Variants in KMT2B observed in about 807,000 individuals in gnomAD.
The protein encoded by KMT2B is histone-lysine N-methyltransferase 2B.
A neutral mutation model predicts 255.3 loss-of-function variants in KMT2B; 22 were observed. The observed-to-expected ratio is 0.09, with a 90% CI of 0.06 to 0.12. KMT2B has a LOEUF of 0.12. Ranked by LOEUF, KMT2B falls within the 10% of genes least tolerant of loss-of-function variation. The pLI, the probability that KMT2B is intolerant of heterozygous loss-of-function variation, is 1.00. For missense variants in KMT2B, 3,149 were observed against 3,737.0 expected (o/e 0.84, Z 4.10); for synonymous variants, 1,730 against 1,498.1 (o/e 1.15, Z -3.57).
chr19:35,726,090 T>A, intron 13 of KMT2B, 146 bp from the exon 14 acceptor site: 4 of 683,626 alleles, frequency 5.9e-6, no homozygotes. Context: ...ATGTTCCTCC[T>A]CCGTGTCTGT....
rs374393985 is a variant in KMT2B at position 35,723,011 on chromosome 19, C to T, written c.2739C>T (p.Ser913=). Reference sequence around the variant, plus strand: ...CTGCAATAGATACATCATCGGCGTCCGAGACTGAGAGTGTCCCGTCACGGT... The same window carrying T: ...CTGCAATAGATACATCATCGGCGTCTGAGACTGAGAGTGTCCCGTCACGGT... ...DLATEDTSSA[S]ETESVPSRSR... is the part of the protein sequence containing the mutation. The change falls in exon 6 of 37, where the codon TCC becomes TCT. Residue 913 remains serine, a synonymous_variant. Coordinates refer to ENST00000420124, the MANE Select transcript of KMT2B (RefSeq NM_014727.3). The surrounding 1 kb of genome is among the most constrained non-coding windows in gnomAD (Gnocchi z 7.5). 17 of 1,603,538 alleles carry T rather than the reference C, an allele frequency of 1.1e-5. No individual in the cohort carries two copies. The highest frequency in any genetic ancestry group is 4.5e-5 in the East Asian group (2 of 44,666).
At chr19:35,730,958 G>A in intron 26 of KMT2B, 91 bp downstream of exon 26, 1 of 1,386,956 alleles carries the variant, frequency 7.2e-7, no homozygotes, top group South Asian at 1.5e-5. Context: ...GGAAAGTCCA[G>A]GAGGCTTGCT....
Position 35,732,023 on chromosome 19 carries a change from C to T in KMT2B, c.5553C>T (p.Ser1851=), listed in dbSNP as rs767726790. 3.9e-5 allele frequency: 63 copies of T among 1,613,346 alleles called. No homozygotes were observed. The highest frequency in any genetic ancestry group is 6.7e-5 in the East Asian group (3 of 44,854). Reference sequence around the variant, plus strand: ...CTCCACTGCGGCCAGATTCAGGCAGCGCCCCTCCTCCAGCCCCCCGTTCTT... The same window carrying T: ...CTCCACTGCGGCCAGATTCAGGCAGTGCCCCTCCTCCAGCCCCCCGTTCTT... ...LDPPLRPDSG[S]APPPAPRSFS... is the part of the protein sequence containing the mutation. The change falls in exon 27 of 37, where the codon AGC becomes AGT. Residue 1851 remains serine, a synonymous_variant. Coordinates refer to ENST00000420124, the MANE Select transcript of KMT2B (RefSeq NM_014727.3).
chr19:35,734,668 C>T (rs534625060), intron 30 of KMT2B, among the ~76,000 whole-genome samples: 63 of 152,046 alleles, frequency 4.1e-4, no homozygotes, highest in African/African-American at 1.4e-3. Flanking sequence ...GGGTGGAGGC[C>T]CCTGGAGGAG....
chr19:35,731,149 GGCACT>G (rs1417640228), intron 26 of KMT2B, among the ~76,000 whole-genome samples: 7 of 152,218 alleles, frequency 4.6e-5, no homozygotes. Context: ...CCTAACTTGG[GGCACT>G]GTGCTCATGG....
chr19:35,726,853 G>A (rs1969470945), intron 14 of KMT2B, among the ~76,000 whole-genome samples: 1 of 151,948 alleles, frequency 6.6e-6, no homozygotes, highest in African/African-American at 2.4e-5. Flanking sequence ...GCATGATGGC[G>A]GGCACCTGTA....
chr19:35,729,435 G>T (rs543047931), intron 22 of KMT2B, 139 bp downstream of exon 22: 1 of 1,196,548 alleles, frequency 8.4e-7, no homozygotes, highest in Admixed American at 2.3e-5. Flanking sequence ...GCCCTGGGAC[G>T]TTGGTGCTGA....
In KMT2B at chr19:35,725,015, T is replaced by G. The variant is rs1478674305; in HGVS notation, c.3456T>G (p.Ala1152=). 3 of 1,613,740 alleles carry G rather than the reference T, an allele frequency of 1.9e-6. No individual in the cohort carries two copies. The highest frequency in any genetic ancestry group is 2.5e-6 in the Non-Finnish European group (3 of 1,179,680). ...DKDALAPGPF[A]SFPNGWTGKQ... Reference sequence around the variant, plus strand: ...ATGCTTTGGCCCCTGGCCCCTTTGCTTCTTTTCCCAATGGCTGGACTGGAA... The same window carrying G: ...ATGCTTTGGCCCCTGGCCCCTTTGCGTCTTTTCCCAATGGCTGGACTGGAA... Residue 1152 remains alanine, a synonymous_variant, in exon 10 of 37, where the codon GCT becomes GCG. Transcript: ENST00000420124. This position sits in a 1 kb window ranked among gnomAD's most constrained non-coding sequence, Gnocchi z 4.1.
intron 26 of KMT2B, among the ~76,000 whole-genome samples, chr19:35,731,392 T>C (rs1394937627): frequency 6.6e-6 from 1 of 151,992 alleles, no homozygotes; most frequent in African/African-American, 2.4e-5. Context: ...AGAAGAGATT[T>C]GGATGGTAGG....
intron 30 of KMT2B, among the ~76,000 whole-genome samples, chr19:35,734,619 G>A (rs1274262145): frequency 1.3e-5 from 2 of 152,190 alleles, no homozygotes; most frequent in South Asian, 2.1e-4. Context: ...TAAAGGAGAG[G>A]AGGGAAAGCA....
At position 35,725,151 on chromosome 19, in the gene KMT2B, T is replaced by C; in HGVS notation, c.3528+64T>C. 1 of 1,576,272 alleles carries C rather than the reference T, an allele frequency of 6.3e-7. No individual in the cohort carries two copies. The highest frequency in any genetic ancestry group is 8.7e-7 in the Non-Finnish European group (1 of 1,146,160). The stretch of plus-strand genomic sequence containing the variant: ...TGGAAGAACCTCGATGACTGTGTCA[T>C]CGAGAAGCCAGGTGGGTCTGCCTTG... On this transcript the variant is annotated intron_variant, in intron 10 of 36. Transcript: ENST00000420124. This position sits in a 1 kb window ranked among gnomAD's most constrained non-coding sequence, Gnocchi z 4.1.
intron 14 of KMT2B, among the ~76,000 whole-genome samples, chr19:35,726,782 G>C (rs895546248): frequency 1.3e-5 from 2 of 152,112 alleles, no homozygotes; most frequent in Non-Finnish European, 2.9e-5. Flanking sequence ...TGAGGAGTTT[G>C]AGATCAGCCT....
Position 35,721,214 on chromosome 19 carries a change from C to CAG in KMT2B, c.1867_1868insAG (p.Pro623GlnfsTer38). On this transcript the variant is annotated frameshift_variant, in exon 3 of 37. Transcript: ENST00000420124. LOFTEE classifies it high-confidence loss of function. The stretch of plus-strand genomic sequence containing the variant: ...GACCCGGGAGCTGCCCCCTCCTCCC[C>CAG]CAGCCCCTCCACCTCCCCCGGCCCC... 1 of 1,508,130 alleles carries CAG rather than the reference C, an allele frequency of 6.6e-7. No homozygotes were observed. The highest frequency in any genetic ancestry group is 8.9e-7 in the Non-Finnish European group (1 of 1,119,774). 93.4% of individuals were successfully genotyped at this position (1,508,130 alleles called of 1,614,324 possible).
rs768338125 is a variant in KMT2B, at chr19:35,732,852, C to T, written c.6303C>T (p.Asp2101=). ...CAGGGGTCCTTGGGGCTGCAGGGGA[C>T]AGGGCCCGGCCTCCTGAGGACCTGC... is the stretch of plus-strand genomic sequence containing the variant. The part of the protein sequence containing the change: ...VRAGVLGAAG[D]RARPPEDLPS... Residue 2101 remains aspartate, a synonymous_variant, in exon 28 of 37, where the codon GAC becomes GAT. Coordinates refer to ENST00000420124, the MANE Select transcript of KMT2B (RefSeq NM_014727.3). The T allele has an allele frequency of 3.7e-6, 6 of 1,609,316 alleles. No individual in the cohort carries two copies. The South Asian group carries it at 6.6e-5, about 18-fold the overall frequency.
Position 35,727,852 on chromosome 19 carries a change from G to A in KMT2B, c.4393-29G>A, listed in dbSNP as rs769014965. 27 of 1,612,018 alleles carry A rather than the reference G, an allele frequency of 1.7e-5. No homozygotes were observed. Among genetic ancestry groups the A allele is most frequent in the East Asian group, 2.2e-5 (1 of 44,840 alleles). ...GAGAGGGCTGGAATTGTGCAGAGGGGACTCAGTCTCTGACAAACCCCCTTA... is the reference window on the plus strand; with the variant it reads ...GAGAGGGCTGGAATTGTGCAGAGGGAACTCAGTCTCTGACAAACCCCCTTA... On this transcript the variant is annotated intron_variant, in intron 17 of 36. Transcript: ENST00000420124. This position sits in a 1 kb window ranked among gnomAD's most constrained non-coding sequence, Gnocchi z 4.2.
rs368178075 is a variant in KMT2B at position 35,721,045 on chromosome 19, C to G, written c.1698C>G (p.Pro566=). The change falls in exon 3 of 37, where the codon CCC becomes CCG. Residue 566 remains proline (P), a synonymous_variant. Transcript: ENST00000420124. The stretch of plus-strand genomic sequence containing the variant: ...AGGTCTCACCTGTCCTGCGACCTCC[C>G]ATTACCACCTCCCCACCTGTTCCCC... ...KVEVSPVLRP[P]ITTSPPVPQE... 1 of 1,610,040 alleles carries G rather than the reference C, an allele frequency of 6.2e-7. No individual in the cohort carries two copies. The highest frequency in any genetic ancestry group is 8.5e-7 in the Non-Finnish European group (1 of 1,178,554).
In KMT2B at chr19:35,738,852, C is replaced by T; in HGVS notation, c.*295C>T. The T allele has an allele frequency of 4.1e-6, 2 of 489,184 alleles. No individual in the cohort carries two copies. The allele number at this position is 489,184 out of a possible 1,614,324, so 30.3% of individuals were successfully genotyped here. A position where few individuals can be genotyped will look rare whatever the true frequency, so the allele number is the denominator to read the frequency against. ...GGTGGGGTCCCAGGTGGGAACCCCC[C>T]CACAATAAAGTCTGTCAATGTTTGG... On this transcript the variant is annotated 3_prime_UTR_variant, in exon 37 of 37. Coordinates refer to ENST00000420124, the MANE Select transcript of KMT2B (RefSeq NM_014727.3). This position sits in a 1 kb window ranked among gnomAD's most constrained non-coding sequence, Gnocchi z 8.7.
chr19:35,719,858 C>T lies in KMT2B; in HGVS notation c.511C>T (p.Pro171Ser), dbSNP rs752388943. The change falls in exon 3 of 37, where the codon CCT (proline) becomes TCT (serine). Residue 171 changes from proline to serine, a missense_variant. By Grantham distance (74) the Pro-to-Ser change is moderately conservative. Transcript: ENST00000420124. ...LPPPRLADVA[P>S]TPPKTPARKR... ...TCCTCCTCGCCTAGCAGATGTGGCT[C>T]CTACCCCCCCAAAGACCCCTGCCCG... The T allele has an allele frequency of 5.0e-6, 8 of 1,613,208 alleles. No individual in the cohort carries two copies. Among genetic ancestry groups the T allele is most frequent in the African/African-American group, 1.3e-5 (1 of 74,892 alleles).
rs763584372 is a variant in KMT2B at position 35,732,442 on chromosome 19, C to T, written c.5893C>T (p.Pro1965Ser). Residue 1965 changes from proline to serine, a missense_variant, in exon 28 of 37, where the codon CCA (proline) becomes TCA (serine). This residue lies in a region of KMT2B where 897 missense variants were observed against 825.3 expected (regional missense o/e 1.09). Transcript: ENST00000420124. ...SGELAPPGPAPSPPPPEDLGP... is the reference protein window; with the variant it reads ...SGELAPPGPASSPPPPEDLGP... ...GGAGCTGGCTCCCCCTGGCCCGGCC[C>T]CATCTCCACCACCCCCTGAAGACCT... 1.9e-6 allele frequency: 3 copies of T among 1,613,610 alleles called. No individual in the cohort carries two copies. Among genetic ancestry groups the T allele is most frequent in the African/African-American group, 1.3e-5 (1 of 74,894 alleles).
Sources: allele counts gnomAD v4.1 joint callset (sites outside exome capture counted in the v4.1 genomes callset), GRCh38; gene constraint gnomAD v4.1.1; regional missense constraint gnomAD v4.1.1; non-coding constraint Gnocchi (gnomAD v3.1); transcripts MANE v1.5; gene names NCBI Gene and HGNC (gene_info 2026-07-23, HGNC 2026-07-21).